The following TAFA1 variants were observed in gnomAD, a reference collection of about 807,000 sequenced individuals.
TAFA1 encodes chemokine-like protein TAFA-1.
A neutral mutation model predicts 18.5 loss-of-function variants in TAFA1; 4 were observed. That is an observed-to-expected ratio of 0.22 (90% CI 0.11 to 0.49). The LOEUF (loss-of-function observed/expected upper bound fraction) is 0.49. TAFA1 is among the 20% of genes least tolerant of loss of function. The pLI, the probability that TAFA1 is intolerant of heterozygous loss-of-function variation, is 0.98. For missense variants in TAFA1, 147 were observed against 169.0 expected (o/e 0.87, Z 0.72); for synonymous variants, 56 against 55.2 (o/e 1.01, Z -0.06).
chr3:68,068,848 C>T (rs538581513), intron 2 of TAFA1, among the ~76,000 whole-genome samples: 4 of 152,214 alleles, frequency 2.6e-5, no homozygotes, highest in South Asian at 2.1e-4. Context: ...TTTTGGAGCA[C>T]GTATTATGTG....
At chr3:68,375,704 T>C (rs776459044) in intron 2 of TAFA1, among the ~76,000 whole-genome samples, 1 of 152,224 alleles carries the variant, frequency 6.6e-6, no homozygotes, top group Non-Finnish European at 1.5e-5. Context: ...ACTAATACTT[T>C]TTGAATGTTC....
At chr3:68,020,725 C>A (rs1383087880) in intron 2 of TAFA1, among the ~76,000 whole-genome samples, 3 of 152,110 alleles carry the variant, frequency 2.0e-5, no homozygotes, top group East Asian at 1.9e-4. Flanking sequence ...TCCATGTACT[C>A]ATCACAGTAC....
At chr3:68,298,328 G>A (rs1200551125) in intron 2 of TAFA1, among the ~76,000 whole-genome samples, 2 of 152,196 alleles carry the variant, frequency 1.3e-5, no homozygotes, top group Non-Finnish European at 2.9e-5. Context: ...AGGGGCTGAA[G>A]AGACTATAAA....
chr3:68,208,930 A>G (rs72924505), intron 2 of TAFA1, among the ~76,000 whole-genome samples: 19,807 of 151,960 alleles, frequency 0.13, 1,470 homozygotes, highest in African/African-American at 0.2. Context: ...AATGGAAGAG[A>G]CAAAATGTCT....
chr3:68,216,682 G>A (rs905705138), intron 2 of TAFA1, among the ~76,000 whole-genome samples: 2 of 152,020 alleles, frequency 1.3e-5, no homozygotes, highest in South Asian at 2.1e-4. Context: ...ATAATTCTAG[G>A]AATGGGACAG....
chr3:68,147,861 A>G lies in TAFA1; in HGVS notation c.118+141117A>G, dbSNP rs2065761774. On this transcript the variant is annotated intron_variant, in intron 2 of 4. Coordinates refer to ENST00000478136, the MANE Select transcript of TAFA1 (RefSeq NM_213609.4). Reference sequence around the variant, plus strand: ...ACCTTTCAGACTTATTGTAAGCATTAAATGTGGCAGAGAAAACACACTTGG... The same window carrying G: ...ACCTTTCAGACTTATTGTAAGCATTGAATGTGGCAGAGAAAACACACTTGG... 2.0e-5 allele frequency among the ~76,000 whole-genome samples: 3 copies of G among 152,348 alleles called. No individual in the cohort carries two copies. The South Asian group carries it at 6.2e-4, about 32-fold the overall frequency.
chr3:68,069,369 C>G (rs6419757), intron 2 of TAFA1, among the ~76,000 whole-genome samples: 1 of 152,100 alleles, frequency 6.6e-6, no homozygotes, highest in Non-Finnish European at 1.5e-5. Flanking sequence ...ATAGAACCAT[C>G]AGATTTCGTG....
rs568652817 is a variant in TAFA1 at position 68,526,958 on chromosome 3, T to A, written c.260-11798T>A. 2.0e-5 allele frequency among the ~76,000 whole-genome samples: 3 copies of A among 152,264 alleles called. No individual in the cohort carries two copies. In the South Asian group the frequency reaches 6.2e-4, roughly 32 times the overall value. On this transcript the variant is annotated intron_variant, in intron 3 of 4. Transcript: ENST00000478136. ...AAATTACTATCCACTGTAAATAAAC[T>A]TTAGGGTCACTCTTAAATAATTTGA...
intron 2 of TAFA1, among the ~76,000 whole-genome samples, chr3:68,330,011 T>C (rs922126818): frequency 6.6e-6 from 1 of 152,166 alleles, no homozygotes; most frequent in East Asian, 1.9e-4. Context: ...ACTGAAGTAC[T>C]CTTGTGTGTC....
At chr3:68,495,606 G>A (rs1219276748) in intron 3 of TAFA1, among the ~76,000 whole-genome samples, 4 of 152,078 alleles carry the variant, frequency 2.6e-5, no homozygotes, top group South Asian at 2.1e-4. Context: ...TACAAGATGC[G>A]TGGATCAAGT....
intron 2 of TAFA1, among the ~76,000 whole-genome samples, chr3:68,249,991 A>G (rs2067161979): frequency 6.6e-6 from 1 of 152,204 alleles, no homozygotes; most frequent in South Asian, 2.1e-4. Flanking sequence ...AGAAACATTT[A>G]TTGTTCCTTC....
chr3:68,371,720 A>G (rs1265637231), intron 2 of TAFA1, among the ~76,000 whole-genome samples: 1 of 152,220 alleles, frequency 6.6e-6, no homozygotes, highest in Non-Finnish European at 1.5e-5. Flanking sequence ...GAAATCACCT[A>G]AGATAGATGT....
intron 2 of TAFA1, among the ~76,000 whole-genome samples, chr3:68,353,670 G>A (rs555779740): frequency 6.6e-6 from 1 of 152,028 alleles, no homozygotes; most frequent in African/African-American, 2.4e-5. Context: ...CAGAAAAATC[G>A]AGCCTGAGGC....
At chr3:68,422,075 T>A (rs2070964910) in intron 3 of TAFA1, among the ~76,000 whole-genome samples, 2 of 152,122 alleles carry the variant, frequency 1.3e-5, no homozygotes, top group Non-Finnish European at 2.9e-5. Context: ...TATATGTCCT[T>A]CCAGTCTTAC....
intron 3 of TAFA1, among the ~76,000 whole-genome samples, chr3:68,526,860 A>G (rs1425765783): frequency 6.6e-6 from 1 of 152,156 alleles, no homozygotes; most frequent in African/African-American, 2.4e-5. Flanking sequence ...TTTCAGAATT[A>G]GAAAAAAAAT....
intron 3 of TAFA1, among the ~76,000 whole-genome samples, chr3:68,472,799 T>C (rs546937142): frequency 6.6e-6 from 1 of 152,308 alleles, no homozygotes; most frequent in South Asian, 2.1e-4. Flanking sequence ...TAATAAGTGA[T>C]AGCAACTTTT....
At chr3:68,017,022 C>T (rs1048021091) in intron 2 of TAFA1, among the ~76,000 whole-genome samples, 1 of 152,088 alleles carries the variant, frequency 6.6e-6, no homozygotes, top group African/African-American at 2.4e-5. Context: ...AGTTTGAACA[C>T]CACTGTTCTA....
chr3:68,144,688 A>G (rs970549320), intron 2 of TAFA1, among the ~76,000 whole-genome samples: 2 of 152,178 alleles, frequency 1.3e-5, no homozygotes, highest in East Asian at 3.9e-4. Context: ...TCTCTCTTCA[A>G]ATGTGATCCC....
At position 68,300,491 on chromosome 3, in the gene TAFA1, G is replaced by A. The variant is rs2068283189; in HGVS notation, c.119-116789G>A. On this transcript the variant is annotated intron_variant, in intron 2 of 4. Transcript: ENST00000478136. The stretch of plus-strand genomic sequence containing the variant: ...TTTGCAGATTCCTAGGTGGAAGGGA[G>A]ACTTGTCTTATCTCAGATGAGGCTT... Among the ~76,000 whole-genome samples the A allele has an allele frequency of 3.3e-5, 5 of 152,332 alleles. No homozygotes were observed. In the South Asian group the frequency reaches 1.0e-3, roughly 32 times the overall value.
Sources: allele counts gnomAD v4.1 joint callset (sites outside exome capture counted in the v4.1 genomes callset), GRCh38; gene constraint gnomAD v4.1.1; transcripts MANE v1.5; gene names NCBI Gene and HGNC (gene_info 2026-07-23, HGNC 2026-07-21).